The following FBN2 variants were observed in gnomAD, a reference collection of about 807,000 sequenced individuals.
FBN2 encodes the protein fibrillin-2.
In FBN2, 105 loss-of-function variants were observed where a neutral mutation model predicts 355.6. The observed-to-expected ratio is 0.30, with a 90% CI of 0.25 to 0.35. FBN2 has a LOEUF of 0.35. Among genes scored for constraint, FBN2 ranks in the 10% least tolerant of loss-of-function variants. The pLI is 1.00. For missense variants in FBN2, 3,280 were observed against 3,758.7 expected (o/e 0.87, Z 3.33); for synonymous variants, 1,350 against 1,301.2 (o/e 1.04, Z -0.81).
At chr5:128,292,544 A>T (rs1749354542) in intron 48 of FBN2, among the ~76,000 whole-genome samples, 3 of 152,012 alleles carry the variant, frequency 2.0e-5, no homozygotes, top group African/African-American at 4.8e-5. Context: ...AGTTTAACAA[A>T]AGAGTCATCA....
intron 21 of FBN2, among the ~76,000 whole-genome samples, chr5:128,350,519 C>A (rs1164644953): frequency 6.6e-6 from 1 of 152,134 alleles, no homozygotes; most frequent in Non-Finnish European, 1.5e-5. Context: ...CCACTGCACT[C>A]CAGCCTGGTG....
intron 4 of FBN2, among the ~76,000 whole-genome samples, chr5:128,521,505 T>C (rs1483808994): frequency 6.6e-6 from 1 of 152,144 alleles, no homozygotes; most frequent in Non-Finnish European, 1.5e-5. Context: ...GTCCTGTGCA[T>C]GTATCCCAGA....
chr5:128,357,607 G>A (rs1338881897), intron 19 of FBN2, among the ~76,000 whole-genome samples: 1 of 152,186 alleles, frequency 6.6e-6, no homozygotes, highest in African/African-American at 2.4e-5. Flanking sequence ...TAGGACCACA[G>A]TGATCAGCCT....
intron 7 of FBN2, among the ~76,000 whole-genome samples, chr5:128,420,360 T>A (rs1355364015): frequency 6.6e-6 from 1 of 152,218 alleles, no homozygotes; most frequent in Non-Finnish European, 1.5e-5. Context: ...AACTTTTTCC[T>A]CTAATAGATA....
At chr5:128,388,564 G>A (rs980305322) in intron 11 of FBN2, among the ~76,000 whole-genome samples, 7 of 152,126 alleles carry the variant, frequency 4.6e-5, no homozygotes, top group African/African-American at 1.7e-4. Flanking sequence ...TTGCTTGTCT[G>A]AAAAATATTT....
At chr5:128,287,464 C>T (rs755077750) in intron 53 of FBN2, 34 bp from the exon 54 acceptor site, 28 of 1,612,304 alleles carry the variant, frequency 1.7e-5, no homozygotes, top group Non-Finnish European at 2.3e-5. Flanking sequence ...TGTGCTCAGC[C>T]TAGAGTTCTA....
At chr5:128,336,204 G>A in intron 27 of FBN2, 91 bp from the exon 28 acceptor site, 1 of 1,302,250 alleles carries the variant, frequency 7.7e-7, no homozygotes. Flanking sequence ...GGTCTCCAAA[G>A]GGGTTTGTGT....
At chr5:128,393,662 A>G (rs1561434639) in intron 9 of FBN2, among the ~76,000 whole-genome samples, 1 of 152,400 alleles carries the variant, frequency 6.6e-6, no homozygotes, top group East Asian at 1.9e-4. Flanking sequence ...AATTCCAGAC[A>G]TAATTATAAA....
chr5:128,259,491 C>T lies in FBN2; in HGVS notation c.8703G>A (p.Glu2901=), dbSNP rs1374026282. ...GAATCTGCAGCCTCATTCTGAGAGC[C>T]TCCCCAAGCTCCCCTAGGAGGTAGT... is the stretch of plus-strand genomic sequence containing the variant. The part of the protein sequence containing the change: ...EDDYLLGELG[E]ALRMRLQIQL... The change falls in exon 65 of 65, where the codon GAG becomes GAA. Residue 2901 remains glutamate (E), a synonymous_variant. Transcript: ENST00000262464. The T allele has an allele frequency of 1.2e-6, 2 of 1,613,476 alleles. No homozygotes were observed. The highest frequency in any genetic ancestry group is 2.2e-5 in the South Asian group (2 of 91,056).
intron 6 of FBN2, among the ~76,000 whole-genome samples, chr5:128,463,288 G>A (rs962265537): frequency 1.3e-5 from 2 of 151,914 alleles, no homozygotes; most frequent in Admixed American, 6.6e-5. Context: ...TATATATTCA[G>A]ACTAATATTC....
At chr5:128,382,125 TAAATA>T (rs1459348300) in intron 11 of FBN2, among the ~76,000 whole-genome samples, 2 of 152,020 alleles carry the variant, frequency 1.3e-5, no homozygotes, top group Non-Finnish European at 2.9e-5. Flanking sequence ...ATATTATGAA[TAAATA>T]AAATAACCTC....
chr5:128,371,824 T>C (rs1055161561), intron 15 of FBN2, among the ~76,000 whole-genome samples: 2 of 152,172 alleles, frequency 1.3e-5, no homozygotes, highest in Admixed American at 6.5e-5. Context: ...TGAGCCACCA[T>C]GCCTGTCCCC....
At position 128,350,861 on chromosome 5, in the gene FBN2, C is replaced by T. The variant is rs373320057; in HGVS notation, c.2812+7G>A. On this transcript the variant is annotated splice_region_variant and intron_variant, in intron 21 of 64. Transcript: ENST00000262464. ...AGAAGCCCAGAAGCTCCCAATAAGG[C>T]TCCTACCTAGTTCACACCGCTCACA... 5.6e-6 allele frequency: 9 copies of T among 1,613,940 alleles called. No homozygotes were observed. In the African/African-American group the frequency reaches 1.1e-4, roughly 19 times the overall value.
intron 11 of FBN2, among the ~76,000 whole-genome samples, chr5:128,388,686 G>A (rs1193026047): frequency 5.3e-5 from 8 of 152,186 alleles, no homozygotes; most frequent in Admixed American, 3.3e-4. Context: ...GGCTTGTAGG[G>A]TTCCTGCTGA....
At chr5:128,517,478 A>G (rs1756311529) in intron 5 of FBN2, among the ~76,000 whole-genome samples, 1 of 152,188 alleles carries the variant, frequency 6.6e-6, no homozygotes, top group Non-Finnish European at 1.5e-5. Flanking sequence ...TTTCCCAAAT[A>G]AAAGCATCTG....
At chr5:128,483,510 T>C (rs1195583434) in intron 5 of FBN2, among the ~76,000 whole-genome samples, 1 of 152,068 alleles carries the variant, frequency 6.6e-6, no homozygotes, top group African/African-American at 2.4e-5. Flanking sequence ...CTGAGTTTTT[T>C]TTTTTTAAAT....
intron 55 of FBN2, among the ~76,000 whole-genome samples, chr5:128,284,936 T>C (rs1749102057): frequency 1.3e-5 from 2 of 152,226 alleles, no homozygotes; most frequent in African/African-American, 2.4e-5. Context: ...TCAAAGATTG[T>C]TGGATAAACT....
In FBN2 at chr5:128,302,883, A is replaced by AT. The variant is rs113036345; in HGVS notation, c.5917+89dup. The AT allele has an allele frequency of 0.013, 10,718 of 799,554 alleles. 737 individuals are homozygous for AT. The African/African-American group carries it at 0.16, about 12-fold the overall frequency. The allele number at this position is 799,554 out of a possible 1,614,324, so 49.5% of individuals were successfully genotyped here. Reference sequence around the variant, plus strand: ...ACATATTTGCAATTTTAGTAATATAATTTTTTTTTGTTCTTTAGTTTTGTT... The same window carrying AT: ...ACATATTTGCAATTTTAGTAATATAATTTTTTTTTTGTTCTTTAGTTTTGTT... On this transcript the variant is annotated intron_variant, in intron 46 of 64. Coordinates refer to ENST00000262464, the MANE Select transcript of FBN2 (RefSeq NM_001999.4).
At chr5:128,301,601 T>C (rs1749722425) in intron 46 of FBN2, 91 bp from the exon 47 acceptor site, 1 of 1,271,664 alleles carries the variant, frequency 7.9e-7, no homozygotes. Flanking sequence ...CTTATTGGCA[T>C]GCATTTATAA....
Sources: gnomAD v4.1 joint callset for allele counts (sites outside exome capture counted in the v4.1 genomes callset) on GRCh38, gnomAD v4.1.1 for gene constraint, MANE v1.5 for transcripts, NCBI Gene and HGNC (gene_info 2026-07-23, HGNC 2026-07-21) for gene names.